PPP1R26: variants seen among roughly 807,000 people sequenced by gnomAD.
The protein encoded by PPP1R26 is protein phosphatase 1 regulatory subunit 26, also known as 1A6/DRIM (down-regulated in metastasis) interacting protein.
In PPP1R26, 22 loss-of-function variants were observed where a neutral mutation model predicts 67.6. The observed-to-expected ratio is 0.33, with a 90% CI of 0.23 to 0.46. PPP1R26 has a LOEUF of 0.46. PPP1R26 is among the 20% of genes least tolerant of loss of function. PPP1R26 has a pLI of 1.00. For missense variants in PPP1R26, 1,602 were observed against 1,651.4 expected (o/e 0.97, Z 0.52); for synonymous variants, 729 against 717.2 (o/e 1.02, Z -0.26).
In PPP1R26 at chr9:135,485,448, A is replaced by G. The variant is rs1830684312; in HGVS notation, c.938A>G (p.Gln313Arg). The change falls in exon 4 of 4, where the codon CAG becomes CGG. Residue 313 changes from glutamine (Q) to arginine (R), a missense_variant. Physicochemically the swap from Gln to Arg is conservative, Grantham distance 43. Coordinates refer to ENST00000356818, the MANE Select transcript of PPP1R26 (RefSeq NM_014811.5). This position sits in a 1 kb window ranked among gnomAD's most constrained non-coding sequence, Gnocchi z 7.2. ...RSLRSKVTTT[Q>R]ENEGSTKPAT... ...CTCAGGTCCAAGGTCACAACCACGCAGGAGAACGAGGGCAGCACGAAGCCG... is the reference window on the plus strand; with the variant it reads ...CTCAGGTCCAAGGTCACAACCACGCGGGAGAACGAGGGCAGCACGAAGCCG... 6.2e-7 allele frequency: 1 copy of G among 1,612,876 alleles called. No individual in the cohort carries two copies. Among genetic ancestry groups the G allele is most frequent in the Non-Finnish European group, 8.5e-7 (1 of 1,179,974 alleles).
rs1830641486 is a variant in PPP1R26 at position 135,484,667 on chromosome 9, A to G, written c.157A>G (p.Thr53Ala). ...VSARVQMLIS[T>A]LQRDGAARGT... ...CGCCCGGGTGCAGATGCTTATCAGC[A>G]CTCTGCAGCGCGACGGGGCTGCTCG... The change falls in exon 4 of 4, where the codon ACT becomes GCT. Residue 53 changes from threonine to alanine, a missense_variant. This residue lies in a region of PPP1R26 where 168 missense variants were observed against 176.1 expected (regional missense o/e 0.95). Coordinates refer to ENST00000356818, the MANE Select transcript of PPP1R26 (RefSeq NM_014811.5). 6.2e-7 allele frequency: 1 copy of G among 1,610,424 alleles called. No individual in the cohort carries two copies. Among genetic ancestry groups the G allele is most frequent in the African/African-American group, 1.3e-5 (1 of 74,782 alleles).
rs1181307594 is a variant in PPP1R26, at chr9:135,484,429, T to C, written c.-62-20T>C. On this transcript the variant is annotated intron_variant, in intron 3 of 3. Transcript: ENST00000356818. The stretch of plus-strand genomic sequence containing the variant: ...GCTGTTTGTAGCTGCATCATGCCCA[T>C]GTGCTTTCTTTCCGCCCAGGATGTG... 1.1e-5 allele frequency: 14 copies of C among 1,298,298 alleles called. No individual in the cohort carries two copies. Among genetic ancestry groups the C allele is most frequent in the African/African-American group, 3.0e-5 (2 of 66,996 alleles). 80.4% of individuals were successfully genotyped at this position (1,298,298 alleles called of 1,614,324 possible).
chr9:135,481,536 C>G (rs560925827), intron 1 of PPP1R26, among the ~76,000 whole-genome samples: 2 of 149,744 alleles, frequency 1.3e-5, no homozygotes, highest in African/African-American at 4.9e-5. Context: ...CCACTATCCC[C>G]GACCCAGGGG....
Position 135,487,837 on chromosome 9 carries a change from G to A in PPP1R26, c.3327G>A (p.Leu1109=), listed in dbSNP as rs1438406354. 3.1e-6 allele frequency: 5 copies of A among 1,594,096 alleles called. No individual in the cohort carries two copies. Among genetic ancestry groups the A allele is most frequent in the East Asian group, 2.2e-5 (1 of 44,686 alleles). ...GCCTCTTCAGCCCCCACCTGGGGCT[G>A]CCTCTGCAGGGCCCCTCCTTCTCGG... The part of the protein sequence containing the change: ...QAGLFSPHLG[L]PLQGPSFSAF... The change falls in exon 4 of 4, where the codon CTG becomes CTA. Residue 1109 remains leucine, a synonymous_variant. Coordinates refer to ENST00000356818, the MANE Select transcript of PPP1R26 (RefSeq NM_014811.5).
chr9:135,487,738 G>A lies in PPP1R26; in HGVS notation c.3228G>A (p.Ala1076=), dbSNP rs779037774. The change falls in exon 4 of 4, where the codon GCG becomes GCA. Residue 1076 remains alanine, a synonymous_variant. Coordinates refer to ENST00000356818, the MANE Select transcript of PPP1R26 (RefSeq NM_014811.5). ...GGGGCCTGCCCAGCCTGCCCCTTGC[G>A]GGCTTCTCGCCGCTGCTGTCCACCC... ...PARGLPSLPL[A]GFSPLLSTQL... is the part of the protein sequence containing the mutation. 2.1e-5 allele frequency: 30 copies of A among 1,459,614 alleles called. No homozygotes were observed. The highest frequency in any genetic ancestry group is 1.1e-4 in the African/African-American group (8 of 70,306). 90.4% of individuals were successfully genotyped at this position (1,459,614 alleles called of 1,614,324 possible).
Position 135,479,957 on chromosome 9 carries a change from T to G in PPP1R26, c.-394T>G. On this transcript the variant is annotated 5_prime_UTR_variant, in exon 1 of 4. Coordinates refer to ENST00000356818, the MANE Select transcript of PPP1R26 (RefSeq NM_014811.5). The surrounding 1 kb of genome is among the most constrained non-coding windows in gnomAD (Gnocchi z 5.9). ...TCCGGCCCGCCCCCGGCCCGCCGCC[T>G]CCCCCGGGACGTGGGACGCGGGCGC... The G allele has an allele frequency of 7.3e-6, 1 of 136,988 alleles. No homozygotes were observed. Among genetic ancestry groups the G allele is most frequent in the South Asian group, 2.5e-4 (1 of 4,032 alleles). 8.5% of individuals were successfully genotyped at this position (136,988 alleles called of 1,614,324 possible).
chr9:135,481,370 A>G (rs1830515509), intron 1 of PPP1R26, among the ~76,000 whole-genome samples: 1 of 150,658 alleles, frequency 6.6e-6, no homozygotes. Context: ...CCCCTGGAGT[A>G]GCTGGAACTA....
rs139604299 is a variant in PPP1R26 at position 135,488,116 on chromosome 9, C to T, written c.3606C>T (p.Gly1202=). ...DFSDTSTEDS[G]GSSVVKV ...GCGACACCTCCACGGAGGACAGTGG[C>T]GGCAGCTCAGTAGTGAAGGTCTAAG... The change falls in exon 4 of 4, where the codon GGC becomes GGT. Residue 1202 remains glycine, a synonymous_variant. Coordinates refer to ENST00000356818, the MANE Select transcript of PPP1R26 (RefSeq NM_014811.5). 4.3e-4 allele frequency: 663 copies of T among 1,531,454 alleles called. 2 individuals carry two copies. In the African/African-American group the frequency reaches 7.2e-3, roughly 17 times the overall value. The allele number at this position is 1,531,454 out of a possible 1,614,324, so 94.9% of individuals were successfully genotyped here. A position where few individuals can be genotyped will look rare whatever the true frequency, so the allele number is the denominator to read the frequency against.
chr9:135,480,880 T>G lies in PPP1R26; in HGVS notation c.-329+858T>G, dbSNP rs140754684. The G allele has an allele frequency of 4.8e-3, 735 of 152,686 alleles. 4 individuals are homozygous for G. Among genetic ancestry groups the G allele is most frequent in the Middle Eastern group, 0.014 (4 of 296 alleles). 9.5% of individuals were successfully genotyped at this position (152,686 alleles called of 1,614,324 possible). ...CCTGGCCTGCAGACCCTGGCCTCCC[T>G]ACCCTGGGGGGAAACCCCACCTGGG... On this transcript the variant is annotated intron_variant, in intron 1 of 3. Coordinates refer to ENST00000356818, the MANE Select transcript of PPP1R26 (RefSeq NM_014811.5).
chr9:135,485,241 A>G lies in PPP1R26; in HGVS notation c.731A>G (p.Lys244Arg). The G allele has an allele frequency of 6.2e-7, 1 of 1,612,908 alleles. No homozygotes were observed. Among genetic ancestry groups the G allele is most frequent in the Non-Finnish European group, 8.5e-7 (1 of 1,179,946 alleles). ...GAGAAGAGACAGCATGAGACCCAAAAATGTGATGGGTCAGTGGAGAAGAAA... is the reference window on the plus strand; with the variant it reads ...GAGAAGAGACAGCATGAGACCCAAAGATGTGATGGGTCAGTGGAGAAGAAA... Reference protein sequence around the residue: ...LNEKRQHETQKCDGSVEKKPD... With the variant: ...LNEKRQHETQRCDGSVEKKPD... Residue 244 changes from lysine to arginine, a missense_variant, in exon 4 of 4, where the codon AAA (lysine) becomes AGA (arginine). By Grantham distance (26) the Lys-to-Arg change is conservative. Around this residue, in one of 5 missense-constraint regions of PPP1R26, gnomAD observed 680 missense variants for 726.1 expected, o/e 0.94. Coordinates refer to ENST00000356818, the MANE Select transcript of PPP1R26 (RefSeq NM_014811.5). This position sits in a 1 kb window ranked among gnomAD's most constrained non-coding sequence, Gnocchi z 7.2.
At position 135,484,028 on chromosome 9, in the gene PPP1R26, T is replaced by C; in HGVS notation, c.-117T>C. On this transcript the variant is annotated 5_prime_UTR_variant, in exon 3 of 4. Coordinates refer to ENST00000356818, the MANE Select transcript of PPP1R26 (RefSeq NM_014811.5). ...GGGTTTCTAGTCATCCTTTTTAAGC[T>C]GCAAAGAAGCATTTGCAGACGTTGT... 2.5e-6 allele frequency: 1 copy of C among 402,622 alleles called. No individual in the cohort carries two copies. The highest frequency in any genetic ancestry group is 4.4e-6 in the Non-Finnish European group (1 of 228,466). 24.9% of individuals were successfully genotyped at this position (402,622 alleles called of 1,614,324 possible). A position where few individuals can be genotyped will look rare whatever the true frequency, so the allele number is the denominator to read the frequency against.
Position 135,486,228 on chromosome 9 carries a change from G to A in PPP1R26, c.1718G>A (p.Ser573Asn), listed in dbSNP as rs201059081. Residue 573 changes from serine (S) to asparagine (N), a missense_variant, in exon 4 of 4, where the codon AGC (serine) becomes AAC (asparagine). Around this residue, in one of 5 missense-constraint regions of PPP1R26, gnomAD observed 680 missense variants for 726.1 expected, o/e 0.94. Transcript: ENST00000356818. The surrounding 1 kb of genome is among the most constrained non-coding windows in gnomAD (Gnocchi z 6.2). ...CCACTTTTGCCGCCTGGCCTCAACA[G>A]CCAGACCGGCGGCCACAAGACCCCT... ...QGPLLPPGLNSQTGGHKTPLS... is the reference protein window; with the variant it reads ...QGPLLPPGLNNQTGGHKTPLS... 6 of 1,612,982 alleles carry A rather than the reference G, an allele frequency of 3.7e-6. No homozygotes were observed. Among genetic ancestry groups the A allele is most frequent in the Non-Finnish European group, 5.1e-6 (6 of 1,180,028 alleles).
chr9:135,485,985 A>G lies in PPP1R26; in HGVS notation c.1475A>G (p.Lys492Arg), dbSNP rs373066655. The G allele has an allele frequency of 9.9e-6, 16 of 1,613,216 alleles. No homozygotes were observed. The African/African-American group carries it at 1.9e-4, about 19-fold the overall frequency. The change falls in exon 4 of 4, where the codon AAG (lysine) becomes AGG (arginine). Residue 492 changes from lysine (K) to arginine (R), a missense_variant. By Grantham distance (26) the Lys-to-Arg change is conservative (BLOSUM62 2). Transcript: ENST00000356818. This position sits in a 1 kb window ranked among gnomAD's most constrained non-coding sequence, Gnocchi z 7.2. ...MCAEAILDIS[K>R]TILPAPVEGS... ...GCAGAAGCAATCCTGGACATCTCCA[A>G]GACGATCCTGCCGGCCCCTGTAGAG...
chr9:135,484,588 G>C lies in PPP1R26; in HGVS notation c.78G>C (p.Arg26Ser). Residue 26 changes from arginine to serine, a missense_variant, in exon 4 of 4, where the codon AGG becomes AGC. Coordinates refer to ENST00000356818, the MANE Select transcript of PPP1R26 (RefSeq NM_014811.5). ...WEAFGPPGSCRFPRCFSEADE... is the reference protein window; with the variant it reads ...WEAFGPPGSCSFPRCFSEADE... ...CCTTTGGCCCGCCAGGGAGCTGTAG[G>C]TTCCCCAGGTGCTTCTCGGAGGCTG... The C allele has an allele frequency of 6.2e-7, 1 of 1,612,762 alleles. No individual in the cohort carries two copies. Among genetic ancestry groups the C allele is most frequent in the African/African-American group, 1.3e-5 (1 of 75,052 alleles).
In PPP1R26 at chr9:135,488,346, A is replaced by T; in HGVS notation, c.*206A>T. 1.0e-6 allele frequency: 1 copy of T among 987,568 alleles called. No homozygotes were observed. The highest frequency in any genetic ancestry group is 1.3e-6 in the Non-Finnish European group (1 of 754,508). 61.2% of individuals were successfully genotyped at this position (987,568 alleles called of 1,614,324 possible). ...TTTTGTAGCTTTTTGTAAATTATTT[A>T]AAGTGATGTAAAAGATATTTTTGGA... On this transcript the variant is annotated 3_prime_UTR_variant, in exon 4 of 4. Transcript: ENST00000356818.
intron 1 of PPP1R26, among the ~76,000 whole-genome samples, chr9:135,481,846 T>C (rs541094612): frequency 8.5e-5 from 13 of 152,174 alleles, no homozygotes; most frequent in Non-Finnish European, 1.8e-4. Flanking sequence ...CTCAAACTCC[T>C]GACCTCAGGT....
At chr9:135,484,331 C>G (rs1830627179) in intron 3 of PPP1R26, 118 bp from the exon 4 acceptor site, 1 of 622,476 alleles carries the variant, frequency 1.6e-6, no homozygotes, top group Non-Finnish European at 2.7e-6. Flanking sequence ...ACGTTGGGCT[C>G]CACCCAACTC....
chr9:135,488,040 A>C lies in PPP1R26; in HGVS notation c.3530A>C (p.Asn1177Thr). Residue 1177 changes from asparagine to threonine, a missense_variant, in exon 4 of 4, where the codon AAC (asparagine) becomes ACC (threonine). Around this residue, in one of 5 missense-constraint regions of PPP1R26, gnomAD observed 740 missense variants for 696.3 expected, o/e 1.06. Coordinates refer to ENST00000356818, the MANE Select transcript of PPP1R26 (RefSeq NM_014811.5). ...ILDLRYRRRV[N>T]RDDQEQDALG... ...GACCTGAGGTATCGACGAAGGGTCA[A>C]CAGGGATGACCAGGAGCAGGACGCC... 1.2e-6 allele frequency: 2 copies of C among 1,608,732 alleles called. No individual in the cohort carries two copies. Among genetic ancestry groups the C allele is most frequent in the African/African-American group, 1.3e-5 (1 of 74,792 alleles).
chr9:135,484,168 C>CCGGGTG (rs1375639316), intron 3 of PPP1R26, 86 bp downstream of exon 3: 1 of 449,472 alleles, frequency 2.2e-6, no homozygotes, highest in Non-Finnish European at 3.9e-6. Flanking sequence ...CGTGCGTGCC[C>CCGGGTG]CGGGCGGCAC....
Sources: gnomAD v4.1 joint callset for allele counts (sites outside exome capture counted in the v4.1 genomes callset) on GRCh38, gnomAD v4.1.1 for gene constraint, gnomAD v4.1.1 regional missense constraint, Gnocchi (gnomAD v3.1) non-coding constraint, MANE v1.5 for transcripts, NCBI Gene and HGNC (gene_info 2026-07-23, HGNC 2026-07-21) for gene names.